Variants in MYO1B observed in about 807,000 individuals in gnomAD.
The protein encoded by MYO1B is myosin IB.
In MYO1B, 72 loss-of-function variants were observed where a neutral mutation model predicts 159.7. That is an observed-to-expected ratio of 0.45 (90% CI 0.37 to 0.55). The LOEUF (loss-of-function observed/expected upper bound fraction) is 0.55, where lower values mean the gene tolerates loss of function less well. MYO1B is among the 20% of genes least tolerant of loss of function. The probability of loss-of-function intolerance (pLI) is 0.00; values close to 1 mark genes in which losing one functional copy is unlikely to be tolerated. For synonymous variants in MYO1B, 468 were observed against 473.8 expected, an observed-to-expected ratio of 0.99 and a Z score of 0.16; for missense variants, 1,062 against 1,364.8, an observed-to-expected ratio of 0.78 and a Z score of 3.50.
At chr2:191,254,175 G>T (rs994639349) in intron 1 of MYO1B, among the ~76,000 whole-genome samples, 11 of 151,984 alleles carry the variant, frequency 7.2e-5, no homozygotes, top group Non-Finnish European at 1.5e-5. Context: ...AAATAACTTA[G>T]CCTTTATTGA....
intron 30 of MYO1B, among the ~76,000 whole-genome samples, chr2:191,420,312 A>G (rs1157532317): frequency 6.6e-6 from 1 of 152,272 alleles, no homozygotes; most frequent in Non-Finnish European, 1.5e-5. Context: ...AAAATTACCT[A>G]TAAAGTATAC....
chr2:191,246,898 G>A (rs1685823665), intron 1 of MYO1B, among the ~76,000 whole-genome samples: 1 of 152,166 alleles, frequency 6.6e-6, no homozygotes, highest in African/African-American at 2.4e-5. Flanking sequence ...CCCTGGCATT[G>A]AAGTGTTCTG....
rs757196100 is a variant in MYO1B, at chr2:191,416,291, G to C, written c.3287+49G>C. On this transcript the variant is annotated intron_variant, in intron 30 of 30. Transcript: ENST00000392318. Reference sequence around the variant, plus strand: ...ACCCTTTTTCTCTTTCAGCTTTTTTGTTTTAGTTCAGCTCTCGATCTCATT... The same window carrying C: ...ACCCTTTTTCTCTTTCAGCTTTTTTCTTTTAGTTCAGCTCTCGATCTCATT... The C allele has an allele frequency of 1.6e-4, 263 of 1,609,250 alleles. No individual in the cohort carries two copies. The Middle Eastern group carries it at 2.8e-3, about 17-fold the overall frequency.
intron 24 of MYO1B, among the ~76,000 whole-genome samples, chr2:191,407,150 T>C (rs371993289): frequency 6.6e-6 from 1 of 152,256 alleles, no homozygotes; most frequent in Non-Finnish European, 1.5e-5. Context: ...GTCTGAATTG[T>C]TATATTGAGT....
At chr2:191,381,335 G>T in intron 13 of MYO1B, 127 bp from the exon 14 acceptor site, 1 of 757,808 alleles carries the variant, frequency 1.3e-6, no homozygotes. Flanking sequence ...GGAGCCGTGT[G>T]CTGGGCCACA....
Position 191,330,017 on chromosome 2 carries a change from G to A in MYO1B, c.334G>A (p.Ala112Thr), listed in dbSNP as rs1472375189. The A allele has an allele frequency of 1.2e-6, 2 of 1,611,602 alleles. No individual in the cohort carries two copies. The highest frequency in any genetic ancestry group is 2.2e-5 in the East Asian group (1 of 44,786). ...QCILITGESG[A>T]GKTEASKLVM... ...TATTCTCATTACTGGGGAAAGTGGA[G>A]CAGGAAAAACAGGTAAGGCTCCTAC... Residue 112 changes from alanine (A) to threonine (T), a missense_variant, in exon 4 of 31, where the codon GCA (alanine) becomes ACA (threonine). Ala to Thr is a moderately conservative substitution (Grantham distance 58). Transcript: ENST00000392318.
chr2:191,253,684 G>T (rs546492642), intron 1 of MYO1B, among the ~76,000 whole-genome samples: 1 of 151,938 alleles, frequency 6.6e-6, no homozygotes, highest in Non-Finnish European at 1.5e-5. Context: ...CCATATTTGC[G>T]TCAGTTGACA....
intron 11 of MYO1B, among the ~76,000 whole-genome samples, chr2:191,366,813 G>A (rs886444942): frequency 6.6e-6 from 1 of 151,748 alleles, no homozygotes; most frequent in African/African-American, 2.4e-5. Flanking sequence ...CCTATCCTAG[G>A]AGACTTCTTT....
intron 2 of MYO1B, among the ~76,000 whole-genome samples, chr2:191,282,069 A>G (rs758292638): frequency 1.3e-5 from 2 of 152,256 alleles, no homozygotes; most frequent in Non-Finnish European, 2.9e-5. Context: ...AATGAAAACA[A>G]TACTGATTAA....
intron 3 of MYO1B, among the ~76,000 whole-genome samples, chr2:191,319,511 T>TA (rs1224285411): frequency 1.3e-5 from 2 of 152,190 alleles, no homozygotes; most frequent in African/African-American, 4.8e-5. Context: ...TGATGGAACT[T>TA]ACTTGTTTTC....
intron 5 of MYO1B, among the ~76,000 whole-genome samples, chr2:191,344,213 A>G (rs993593163): frequency 7.2e-5 from 11 of 152,186 alleles, no homozygotes; most frequent in African/African-American, 2.7e-4. Context: ...GCCTGTGAAA[A>G]CACAAGAAAT....
intron 3 of MYO1B, among the ~76,000 whole-genome samples, chr2:191,321,533 A>G (rs1372215429): frequency 6.6e-6 from 1 of 152,204 alleles, no homozygotes; most frequent in African/African-American, 2.4e-5. Flanking sequence ...GATAGTAAAA[A>G]TGCTTTAAGA....
intron 24 of MYO1B, among the ~76,000 whole-genome samples, chr2:191,406,591 GGAGA>G (rs1385353512): frequency 2.6e-5 from 4 of 152,162 alleles, no homozygotes; most frequent in Admixed American, 2.6e-4. Flanking sequence ...CCGAGGAGAG[GGAGA>G]GAGATGGGAG....
intron 17 of MYO1B, chr2:191,387,987 G>A (rs1314738872): frequency 6.2e-6 from 1 of 161,176 alleles, no homozygotes. Context: ...GCAGTAGAAA[G>A]ACCTTCTTAA....
chr2:191,352,415 A>G (rs183728834), intron 7 of MYO1B, among the ~76,000 whole-genome samples: 232 of 152,356 alleles, frequency 1.5e-3, no homozygotes, highest in Non-Finnish European at 2.8e-3. Flanking sequence ...TTTAATCAAT[A>G]TTACTCGAGG....
chr2:191,354,489 T>C (rs1693143381), intron 7 of MYO1B, among the ~76,000 whole-genome samples: 1 of 151,944 alleles, frequency 6.6e-6, no homozygotes, highest in Non-Finnish European at 1.5e-5. Flanking sequence ...AACAAAATTA[T>C]TGGTAGTCAG....
At chr2:191,285,607 A>G (rs1340906266) in intron 2 of MYO1B, among the ~76,000 whole-genome samples, 4 of 152,178 alleles carry the variant, frequency 2.6e-5, no homozygotes, top group African/African-American at 9.7e-5. Context: ...TGGGATCAAG[A>G]TGCTGAGGGT....
chr2:191,277,427 A>G (rs1332520465), intron 2 of MYO1B, among the ~76,000 whole-genome samples: 1 of 152,236 alleles, frequency 6.6e-6, no homozygotes, highest in African/African-American at 2.4e-5. Flanking sequence ...AAAAGACATG[A>G]ACTTTCTCGA....
At chr2:191,360,185 G>A (rs768180625) in intron 7 of MYO1B, among the ~76,000 whole-genome samples, 10 of 152,092 alleles carry the variant, frequency 6.6e-5, no homozygotes, top group Non-Finnish European at 1.3e-4. Flanking sequence ...AAAAGGGTTG[G>A]GAGGATTCAG....
Sources: gnomAD v4.1 joint callset for allele counts (sites outside exome capture counted in the v4.1 genomes callset) on GRCh38, gnomAD v4.1.1 for gene constraint, MANE v1.5 for transcripts, NCBI Gene and HGNC (gene_info 2026-07-23, HGNC 2026-07-21) for gene names.